The following TRAK1 variants were observed in gnomAD, a reference collection of about 807,000 sequenced individuals.
The protein encoded by TRAK1 is trafficking kinesin-binding protein 1.
TRAK1 carries 33 observed loss-of-function variants against 92.1 expected under a neutral mutation model. The observed-to-expected ratio is 0.36, with a 90% confidence interval of 0.27 to 0.48. TRAK1 has a LOEUF of 0.48. Among genes scored for constraint, TRAK1 ranks in the 20% least tolerant of loss-of-function variants. The probability of loss-of-function intolerance (pLI) is 0.99; values close to 1 mark genes in which losing one functional copy is unlikely to be tolerated. For synonymous variants in TRAK1, 521 were observed against 517.3 expected, an observed-to-expected ratio of 1.01 and a Z score of -0.10; for missense variants, 1,123 against 1,257.9, an observed-to-expected ratio of 0.89 and a Z score of 1.62.
chr3:42,122,815 C>T (rs777623527), intron 1 of TRAK1, among the ~76,000 whole-genome samples: 1 of 152,120 alleles, frequency 6.6e-6, no homozygotes, highest in East Asian at 1.9e-4. Flanking sequence ...CTGTTCCCAG[C>T]AGAGCTTTGC....
intron 1 of TRAK1, among the ~76,000 whole-genome samples, chr3:42,096,197 C>G (rs1440618876): frequency 6.6e-6 from 1 of 152,030 alleles, no homozygotes; most frequent in Non-Finnish European, 1.5e-5. Flanking sequence ...TTTTTTGTTA[C>G]CCTTAAATGA....
intron 3 of TRAK1, 38 bp from the exon 4 acceptor site, chr3:42,184,647 G>A (rs779771971): frequency 5.0e-6 from 8 of 1,598,436 alleles, no homozygotes; most frequent in Admixed American, 3.4e-5. Flanking sequence ...GGAAACACAG[G>A]TCTTTTGAAT....
intron 2 of TRAK1, among the ~76,000 whole-genome samples, chr3:42,143,025 T>C (rs183654847): frequency 2.0e-3 from 308 of 152,306 alleles, no homozygotes; most frequent in Non-Finnish European, 3.5e-3. Flanking sequence ...AATCAGCCAC[T>C]CTACAAGGAG....
chr3:42,091,404 C>G lies in TRAK1; in HGVS notation c.-66C>G. The G allele has an allele frequency of 6.7e-7, 1 of 1,487,204 alleles. No individual in the cohort carries two copies. Among genetic ancestry groups the G allele is most frequent in the Non-Finnish European group, 9.3e-7 (1 of 1,077,716 alleles). The allele number at this position is 1,487,204 out of a possible 1,614,324, so 92.1% of individuals were successfully genotyped here. ...GGGAGGGTGGCTGTGCGAGGTACTG[C>G]CGGGGCTGAGCTCTCATGGAGGCTC... On this transcript the variant is annotated 5_prime_UTR_variant, in exon 1 of 16. Transcript: ENST00000327628.
Position 42,223,487 on chromosome 3 carries a change from G to T in TRAK1, c.2612G>T (p.Gly871Val). The T allele has an allele frequency of 6.2e-7, 1 of 1,613,758 alleles. No individual in the cohort carries two copies. The highest frequency in any genetic ancestry group is 1.3e-5 in the African/African-American group (1 of 75,048). Residue 871 changes from glycine (G) to valine (V), a missense_variant, in exon 16 of 16, where the codon GGA (glycine) becomes GTA (valine). This residue lies in a region of TRAK1 where 401 missense variants were observed against 438.9 expected (regional missense o/e 0.91). Coordinates refer to ENST00000327628, the MANE Select transcript of TRAK1 (RefSeq NM_001042646.3). The surrounding 1 kb of genome is among the most constrained non-coding windows in gnomAD (Gnocchi z 6.1). The stretch of plus-strand genomic sequence containing the variant: ...GTCCCCACCTTGACTGAGGAGCAGG[G>T]ACCCCTCCTCTGTGGGCCCCCGGGG... Reference protein sequence around the residue: ...AHVPTLTEEQGPLLCGPPGPA... With the variant: ...AHVPTLTEEQVPLLCGPPGPA...
intron 7 of TRAK1, among the ~76,000 whole-genome samples, chr3:42,192,595 ACT>A (rs66692738): frequency 0.048 from 7,314 of 151,100 alleles, 665 homozygotes; most frequent in African/African-American, 0.17. Flanking sequence ...GTGAGTTATG[ACT>A]CTGAATATGG....
In TRAK1 at chr3:42,159,940, A is replaced by G. The variant is rs550524961; in HGVS notation, c.287-16874A>G. Among the ~76,000 whole-genome samples the G allele has an allele frequency of 4.6e-5, 7 of 152,318 alleles. No individual in the cohort carries two copies. The East Asian group carries it at 1.2e-3, about 25-fold the overall frequency. On this transcript the variant is annotated intron_variant, in intron 2 of 15. Coordinates refer to ENST00000327628, the MANE Select transcript of TRAK1 (RefSeq NM_001042646.3). The stretch of plus-strand genomic sequence containing the variant: ...CTCAAGGCTTAGTTGATGTTGCCCC[A>G]TGCAGTTGCTGTGAGACTTCTAGGA...
At chr3:42,102,019 T>G (rs530653649) in intron 1 of TRAK1, among the ~76,000 whole-genome samples, 19 of 152,354 alleles carry the variant, frequency 1.2e-4, no homozygotes, top group African/African-American at 3.8e-4. Context: ...GGAGTCTCAC[T>G]CTATCACCTA....
intron 15 of TRAK1, 78 bp from the exon 16 acceptor site, chr3:42,222,864 T>C: frequency 6.6e-7 from 1 of 1,513,386 alleles, no homozygotes; most frequent in Non-Finnish European, 9.0e-7. Flanking sequence ...CTACCCCCCC[T>C]GCAGGAAACT....
intron 2 of TRAK1, chr3:42,145,798 G>A (rs1699253873): frequency 8.6e-6 from 2 of 232,564 alleles, no homozygotes; most frequent in African/African-American, 2.3e-5. Flanking sequence ...ACATAAGCTA[G>A]TGGGCCTGCA....
intron 10 of TRAK1, among the ~76,000 whole-genome samples, chr3:42,198,746 G>C (rs1475178835): frequency 2.6e-5 from 4 of 152,150 alleles, no homozygotes; most frequent in Non-Finnish European, 4.4e-5. Flanking sequence ...CAATAGCTTT[G>C]TGTGGCTTGT....
intron 1 of TRAK1, among the ~76,000 whole-genome samples, chr3:42,109,483 G>A (rs904673160): frequency 3.3e-5 from 5 of 152,172 alleles, no homozygotes; most frequent in African/African-American, 1.2e-4. Flanking sequence ...GGAAAATATT[G>A]CTGGATATTT....
intron 1 of TRAK1, among the ~76,000 whole-genome samples, chr3:42,048,754 G>A (rs1702863344): frequency 6.6e-6 from 1 of 151,986 alleles, no homozygotes; most frequent in African/African-American, 2.4e-5. Flanking sequence ...AGTAGAGACG[G>A]GGTTTCCCCA....
chr3:42,149,326 A>C (rs778318644), intron 2 of TRAK1: 5 of 1,425,738 alleles, frequency 3.5e-6, no homozygotes, highest in Non-Finnish European at 4.6e-6. Context: ...TGCTCCTCCT[A>C]CTCCCTCCTT....
At chr3:42,139,891 T>A (rs1392343192) in intron 2 of TRAK1, among the ~76,000 whole-genome samples, 1 of 152,104 alleles carries the variant, frequency 6.6e-6, no homozygotes, top group Non-Finnish European at 1.5e-5. Flanking sequence ...CGGGGCCGTT[T>A]GAGCTTCTGG....
rs750737796 is a variant in TRAK1, at chr3:42,091,546, G to A, written c.77G>A (p.Arg26Gln). 24 of 1,612,286 alleles carry A rather than the reference G, an allele frequency of 1.5e-5. No homozygotes were observed. In the East Asian group the frequency reaches 2.7e-4, roughly 18 times the overall value. ...LPGLCHGKLI[R>Q]TNACDVCNST... ...GGACTCTGCCACGGCAAGCTCATTC[G>A]GACAAACGCCTGTGGTAAGTTTGTT... Residue 26 changes from arginine to glutamine, a missense_variant, in exon 1 of 16, where the codon CGG (arginine) becomes CAG (glutamine). By Grantham distance (43) the Arg-to-Gln change is conservative (BLOSUM62 1). This residue lies in a region of TRAK1 where 686 missense variants were observed against 747.6 expected (regional missense o/e 0.92). Transcript: ENST00000327628.
chr3:42,121,910 C>T (rs575854340), intron 1 of TRAK1, among the ~76,000 whole-genome samples: 2 of 152,160 alleles, frequency 1.3e-5, no homozygotes, highest in African/African-American at 2.4e-5. Flanking sequence ...TTCTGCCTCC[C>T]GGGTTCAAGT....
chr3:42,077,993 A>G (rs891519344), intron 1 of TRAK1, among the ~76,000 whole-genome samples: 1 of 152,264 alleles, frequency 6.6e-6, no homozygotes, highest in Non-Finnish European at 1.5e-5. Flanking sequence ...GCAGTTTGAC[A>G]AGTGGGTGGT....
intron 1 of TRAK1, among the ~76,000 whole-genome samples, chr3:42,049,770 T>G (rs777313785): frequency 6.6e-6 from 1 of 152,222 alleles, no homozygotes; most frequent in Non-Finnish European, 1.5e-5. Flanking sequence ...CCTCCTAACT[T>G]TTTTGGAATG....
Sources: gnomAD v4.1 joint callset for allele counts (sites outside exome capture counted in the v4.1 genomes callset) on GRCh38, gnomAD v4.1.1 for gene constraint, gnomAD v4.1.1 regional missense constraint, Gnocchi (gnomAD v3.1) non-coding constraint, MANE v1.5 for transcripts, NCBI Gene and HGNC (gene_info 2026-07-23, HGNC 2026-07-21) for gene names.